ISM1: variants seen among roughly 807,000 people sequenced by gnomAD.
The protein encoded by ISM1 is isthmin-1.
In ISM1, 25 loss-of-function variants were observed where a neutral mutation model predicts 46.3. The observed-to-expected ratio is 0.54, with a 90% CI of 0.39 to 0.75. The LOEUF (loss-of-function observed/expected upper bound fraction) is 0.75. Among genes scored for constraint, ISM1 ranks in the 30% least tolerant of loss-of-function variants. The probability of loss-of-function intolerance (pLI) is 0.00; values close to 1 mark genes in which losing one functional copy is unlikely to be tolerated. For synonymous variants in ISM1, 255 were observed against 256.7 expected, an observed-to-expected ratio of 0.99 and a Z score of 0.06; for missense variants, 536 against 625.4, an observed-to-expected ratio of 0.86 and a Z score of 1.52.
chr20:13,258,220 CCCT>C lies in ISM1; in HGVS notation c.139-12283_139-12281del, dbSNP rs1213589889. Among the ~76,000 whole-genome samples, 24 of 152,236 alleles carry C rather than the reference CCCT, an allele frequency of 1.6e-4. No homozygotes were observed. In the Middle Eastern group the frequency reaches 0.014, roughly 86 times the overall value. On this transcript the variant is annotated intron_variant, in intron 1 of 5. Transcript: ENST00000262487. ...TCTGCATGTATTACATCAACAGGCT[CCCT>C]TGCTGTCTAGCTTCTGATTGGGTTT...
chr20:13,274,086 C>A (rs1420229249), intron 2 of ISM1, among the ~76,000 whole-genome samples: 1 of 133,586 alleles, frequency 7.5e-6, no homozygotes, highest in South Asian at 2.4e-4. Flanking sequence ...TGTATGTGTG[C>A]ATGTGCATGC....
chr20:13,246,622 T>C (rs1290124304), intron 1 of ISM1, among the ~76,000 whole-genome samples: 2 of 152,234 alleles, frequency 1.3e-5, no homozygotes, highest in African/African-American at 4.8e-5. Flanking sequence ...ATTTTATAGA[T>C]GAGAAACCTG....
At chr20:13,254,549 C>T (rs746972294) in intron 1 of ISM1, among the ~76,000 whole-genome samples, 17 of 152,302 alleles carry the variant, frequency 1.1e-4, no homozygotes, top group Non-Finnish European at 2.1e-4. Flanking sequence ...CTCCTTGGTG[C>T]ACTTGCTGGG....
chr20:13,242,239 A>G (rs1023790613), intron 1 of ISM1, among the ~76,000 whole-genome samples: 2 of 152,216 alleles, frequency 1.3e-5, no homozygotes, highest in African/African-American at 4.8e-5. Flanking sequence ...AAAAAGGACA[A>G]CAGGAGGTCA....
intron 2 of ISM1, among the ~76,000 whole-genome samples, chr20:13,276,823 G>A (rs6041981): frequency 0.15 from 22,682 of 152,158 alleles, 2,324 homozygotes; most frequent in African/African-American, 0.29. Context: ...AGAAGTCATT[G>A]ATCACACTCA....
At position 13,230,154 on chromosome 20, in the gene ISM1, G is replaced by A. The variant is rs189509676; in HGVS notation, c.138+8240G>A. Among the ~76,000 whole-genome samples the A allele has an allele frequency of 5.5e-3, 836 of 152,226 alleles. 8 individuals carry two copies. Among genetic ancestry groups the A allele is most frequent in the African/African-American group, 0.019 (781 of 41,524 alleles). ...AAGAAGAATCTGTTTTGGTTTTAATGCCTCCAAAGCAAATAATCTCAATAA... is the reference window on the plus strand; with the variant it reads ...AAGAAGAATCTGTTTTGGTTTTAATACCTCCAAAGCAAATAATCTCAATAA... On this transcript the variant is annotated intron_variant, in intron 1 of 5. Coordinates refer to ENST00000262487, the MANE Select transcript of ISM1 (RefSeq NM_080826.2).
At chr20:13,245,899 A>G (rs953284012) in intron 1 of ISM1, among the ~76,000 whole-genome samples, 1 of 152,002 alleles carries the variant, frequency 6.6e-6, no homozygotes, top group Non-Finnish European at 1.5e-5. Context: ...TTAGACTCTC[A>G]CTATTCCTTG....
chr20:13,290,261 A>G (rs866844636), intron 4 of ISM1, among the ~76,000 whole-genome samples: 3 of 152,246 alleles, frequency 2.0e-5, no homozygotes, highest in Middle Eastern at 3.4e-3. Context: ...TAATAACAAT[A>G]TGAGGAGGAG....
chr20:13,283,020 C>T (rs2123291618), intron 3 of ISM1, among the ~76,000 whole-genome samples: 1 of 152,164 alleles, frequency 6.6e-6, no homozygotes. Flanking sequence ...TGAGAATTCC[C>T]CTTTTCTTTC....
At chr20:13,314,269 A>G in the ISM1 span, among the ~76,000 whole-genome samples, 2 of 152,256 alleles carry the variant, frequency 1.3e-5, no homozygotes, top group South Asian at 4.1e-4. Flanking sequence ...TAAATCCAGG[A>G]AGTTCAGAGA....
intron 1 of ISM1, among the ~76,000 whole-genome samples, chr20:13,254,585 C>T (rs891545905): frequency 3.3e-5 from 5 of 152,266 alleles, no homozygotes; most frequent in Admixed American, 1.3e-4. Context: ...TGGTCACAGG[C>T]AGGTGGCAAG....
chr20:13,323,298 A>C, the ISM1 span, among the ~76,000 whole-genome samples: 1 of 152,178 alleles, frequency 6.6e-6, no homozygotes, highest in Non-Finnish European at 1.5e-5. Context: ...ACTGGTCCAA[A>C]GGAAGGGAGG....
At position 13,221,734 on chromosome 20, in the gene ISM1, G is replaced by A. The variant is rs1256066334; in HGVS notation, c.-43G>A. The A allele has an allele frequency of 4.5e-6, 6 of 1,345,816 alleles. No homozygotes were observed. The highest frequency in any genetic ancestry group is 2.7e-4 in the Middle Eastern group (1 of 3,650). The allele number at this position is 1,345,816 out of a possible 1,614,324, so 83.4% of individuals were successfully genotyped here. ...CTCCCCCGGCGTCACCGCCGCCGCC[G>A]CCGGCCGCCGCGCCGGGTCCTAAAG... On this transcript the variant is annotated 5_prime_UTR_variant, in exon 1 of 6. Coordinates refer to ENST00000262487, the MANE Select transcript of ISM1 (RefSeq NM_080826.2).
chr20:13,224,846 T>C (rs1490218279), intron 1 of ISM1, among the ~76,000 whole-genome samples: 17 of 140,782 alleles, frequency 1.2e-4, no homozygotes, highest in African/African-American at 3.2e-4. Flanking sequence ...TCTTTCTTTT[T>C]TTTTTTTTTT....
At chr20:13,309,976 G>A in the ISM1 span, among the ~76,000 whole-genome samples, 7 of 152,074 alleles carry the variant, frequency 4.6e-5, no homozygotes, top group South Asian at 2.1e-4. Context: ...CTGTGTTTAC[G>A]GATTGGAAGA....
intron 1 of ISM1, among the ~76,000 whole-genome samples, 170 bp downstream of exon 1, chr20:13,222,084 CGG>C (rs2123111613): frequency 6.6e-6 from 1 of 152,242 alleles, no homozygotes. Flanking sequence ...AGAGGCGGAG[CGG>C]GGGCACGTGC....
chr20:13,318,898 C>T, the ISM1 span, among the ~76,000 whole-genome samples: 2 of 152,124 alleles, frequency 1.3e-5, no homozygotes, highest in Non-Finnish European at 2.9e-5. Flanking sequence ...AGGCAGAGCA[C>T]AGAACACTTT....
chr20:13,266,343 A>G (rs1310863604), intron 1 of ISM1, among the ~76,000 whole-genome samples: 12 of 152,202 alleles, frequency 7.9e-5, no homozygotes, highest in Non-Finnish European at 1.5e-4. Flanking sequence ...TAATAGAAGG[A>G]GAGGAGCACC....
rs2039452632 is a variant in ISM1 at position 13,221,838 on chromosome 20, T to A, written c.62T>A (p.Ile21Asn). 6.9e-7 allele frequency: 1 copy of A among 1,452,268 alleles called. No homozygotes were observed. The allele number at this position is 1,452,268 out of a possible 1,614,324, so 90.0% of individuals were successfully genotyped here. Residue 21 changes from isoleucine (I) to asparagine (N), a missense_variant, in exon 1 of 6, where the codon ATC becomes AAC. Transcript: ENST00000262487. ...GGGCTGCTGCTGCTCACGCTGCACA[T>A]CACCGTGCTGCGCGGCTCGGGAGCC... ...LLGLLLLTLH[I>N]TVLRGSGAAD...
Sources: allele counts gnomAD v4.1 joint callset (sites outside exome capture counted in the v4.1 genomes callset), GRCh38; gene constraint gnomAD v4.1.1; transcripts MANE v1.5; gene names NCBI Gene and HGNC (gene_info 2026-07-23, HGNC 2026-07-21).